Variants in CBR4 observed in about 807,000 individuals in gnomAD.
CBR4 encodes the protein 3-oxoacyl-[acyl-carrier-protein] reductase.
In CBR4, 22 loss-of-function variants were observed where a neutral mutation model predicts 21.0. That is an observed-to-expected ratio of 1.05 (90% CI 0.75 to 1.50). The LOEUF (loss-of-function observed/expected upper bound fraction) is 1.50. Among genes scored for constraint, CBR4 ranks in the 40% most tolerant of loss-of-function variants. The pLI, the probability that CBR4 is intolerant of heterozygous loss-of-function variation, is 0.00. For synonymous variants in CBR4, 100 were observed against 104.4 expected, an observed-to-expected ratio of 0.96 and a Z score of 0.26; for missense variants, 302 against 286.3, an observed-to-expected ratio of 1.05 and a Z score of -0.40.
chr4:168,939,082 C>T (rs1272046783), intron 2 of CBR4, among the ~76,000 whole-genome samples: 4 of 152,182 alleles, frequency 2.6e-5, no homozygotes, highest in African/African-American at 9.7e-5. Flanking sequence ...AGCAGCACAT[C>T]AAAAAGCTTA....
chr4:168,926,767 A>T (rs1762628566), intron 2 of CBR4: 1 of 247,196 alleles, frequency 4.0e-6, no homozygotes, highest in Non-Finnish European at 7.9e-6. Context: ...ATGTTTAATG[A>T]GGGAGTTGTA....
chr4:168,905,790 C>CTTTTTTTTTTT (rs59427697), intron 2 of CBR4, among the ~76,000 whole-genome samples: 45 of 113,090 alleles, frequency 4.0e-4, no homozygotes, highest in African/African-American at 4.8e-4. Flanking sequence ...GCTTTTTTTT[C>CTTTTTTTTTTT]TTTTTTTTTT....
chr4:168,953,682 C>T (rs1172811091), intron 2 of CBR4, among the ~76,000 whole-genome samples: 3 of 151,996 alleles, frequency 2.0e-5, no homozygotes, highest in African/African-American at 7.2e-5. Flanking sequence ...CCTCAGCCTC[C>T]CAAAGTGCTT....
chr4:168,952,605 G>A (rs565628956), intron 2 of CBR4, among the ~76,000 whole-genome samples: 32 of 152,104 alleles, frequency 2.1e-4, no homozygotes, highest in African/African-American at 7.7e-4. Context: ...GTCTCACAGG[G>A]TGTTCCCTTG....
chr4:168,934,701 G>A (rs1763061350), intron 2 of CBR4, among the ~76,000 whole-genome samples: 1 of 151,466 alleles, frequency 6.6e-6, no homozygotes. Context: ...TCCCAACAAG[G>A]AAAAAACCAG....
At chr4:168,970,403 A>G (rs983749231) in intron 2 of CBR4, among the ~76,000 whole-genome samples, 3 of 152,158 alleles carry the variant, frequency 2.0e-5, no homozygotes, top group African/African-American at 7.2e-5. Context: ...TGAAGAACCA[A>G]TTTCAATTTC....
At chr4:168,926,000 A>T (rs1329421468) in intron 2 of CBR4, among the ~76,000 whole-genome samples, 1 of 152,174 alleles carries the variant, frequency 6.6e-6, no homozygotes, top group Non-Finnish European at 1.5e-5. Flanking sequence ...TGACCTTTGT[A>T]ATCTAGCTGC....
intron 2 of CBR4, among the ~76,000 whole-genome samples, chr4:168,912,069 T>G (rs540931068): frequency 6.6e-6 from 1 of 152,260 alleles, no homozygotes; most frequent in African/African-American, 2.4e-5. Flanking sequence ...AGTCCTGCCC[T>G]TCAGTGAATC....
chr4:168,931,701 T>C (rs1762973781), intron 2 of CBR4, among the ~76,000 whole-genome samples: 1 of 152,060 alleles, frequency 6.6e-6, no homozygotes, highest in Non-Finnish European at 1.5e-5. Flanking sequence ...AGACCCCAAG[T>C]TGGTTGACAC....
intron 2 of CBR4, chr4:168,926,640 T>G (rs1762615596): frequency 2.6e-6 from 1 of 384,020 alleles, no homozygotes; most frequent in African/African-American, 2.0e-5. Flanking sequence ...GTGATTAAAG[T>G]GATCAAAATG....
rs747702421 is a variant in CBR4, at chr4:168,913,982, G to A, written n.170-19217C>T. 1.6e-5 allele frequency: 25 copies of A among 1,612,672 alleles called. No homozygotes were observed. In the Middle Eastern group the frequency reaches 4.9e-4, roughly 32 times the overall value. ...GTACAGGCTGTCAACCAAAGAGGTC[G>A]AAGTCCCCGGTCTCCCTCAGGCCAT... On this transcript the variant is annotated intron_variant and non_coding_transcript_variant, in intron 2 of 3. Transcript: ENST00000509108.
intron 2 of CBR4, among the ~76,000 whole-genome samples, chr4:168,981,333 A>G (rs1483353102): frequency 6.6e-6 from 1 of 152,174 alleles, no homozygotes; most frequent in Non-Finnish European, 1.5e-5. Context: ...CAGGAGGCAG[A>G]GGTAGCAGTG....
intron 4 of CBR4, among the ~76,000 whole-genome samples, chr4:169,000,420 A>C (rs1429479342): frequency 4.6e-5 from 7 of 152,132 alleles, no homozygotes; most frequent in African/African-American, 1.7e-4. Context: ...ATAAAGACAC[A>C]CTATAGACCA....
At position 169,010,209 on chromosome 4, in the gene CBR4, C is replaced by A; in HGVS notation, c.-120G>T. The A allele has an allele frequency of 1.3e-3, 947 of 731,318 alleles. No homozygotes were observed. The highest frequency in any genetic ancestry group is 3.2e-3 in the Middle Eastern group (7 of 2,170). 45.3% of individuals were successfully genotyped at this position (731,318 alleles called of 1,614,324 possible). A position where few individuals can be genotyped will look rare whatever the true frequency, so the allele number is the denominator to read the frequency against. ...AAAAAAGAAAAAAAAAGGCAAACCGCAAAAAAAAATAACGCCGCTCGACAC... is the reference window on the plus strand; with the variant it reads ...AAAAAAGAAAAAAAAAGGCAAACCGAAAAAAAAAATAACGCCGCTCGACAC... On this transcript the variant is annotated 5_prime_UTR_variant, in exon 1 of 5. Coordinates refer to ENST00000306193, the MANE Select transcript of CBR4 (RefSeq NM_032783.5).
chr4:168,982,404 A>G lies in CBR4; in HGVS notation n.169+19667T>C, dbSNP rs1764571909. 2.0e-5 allele frequency among the ~76,000 whole-genome samples: 3 copies of G among 152,342 alleles called. No homozygotes were observed. The South Asian group carries it at 6.2e-4, about 32-fold the overall frequency. On this transcript the variant is annotated intron_variant and non_coding_transcript_variant, in intron 2 of 3. Coordinates refer to the CBR4 transcript ENST00000509108. Reference sequence around the variant, plus strand: ...ATATATATGCAGTCAACATTGGAGCACCCAGATTCATAAAACAAGTTCATA... The same window carrying G: ...ATATATATGCAGTCAACATTGGAGCGCCCAGATTCATAAAACAAGTTCATA...
At position 168,919,102 on chromosome 4, in the gene CBR4, A is replaced by G. The variant is rs184534417; in HGVS notation, n.170-24337T>C. On this transcript the variant is annotated intron_variant and non_coding_transcript_variant, in intron 2 of 3. Coordinates refer to the CBR4 transcript ENST00000509108. The stretch of plus-strand genomic sequence containing the variant: ...ATTTTTAATCATATTTAAGAAAGAA[A>G]TAACAGTACTGTCTTTCACTGGACT... Among the ~76,000 whole-genome samples, 22 of 152,358 alleles carry G rather than the reference A, an allele frequency of 1.4e-4. No homozygotes were observed. The East Asian group carries it at 3.5e-3, about 24-fold the overall frequency.
chr4:168,954,400 T>C (rs1441036676), intron 2 of CBR4, among the ~76,000 whole-genome samples: 1 of 152,168 alleles, frequency 6.6e-6, no homozygotes, highest in Admixed American at 6.5e-5. Flanking sequence ...GGCTGAGACA[T>C]AGTACCAGCA....
chr4:169,003,674 T>G (rs1209541898), intron 3 of CBR4, among the ~76,000 whole-genome samples: 2 of 152,012 alleles, frequency 1.3e-5, no homozygotes, highest in African/African-American at 4.8e-5. Flanking sequence ...AAATTTTGTC[T>G]TATTCTAAGA....
intron 2 of CBR4, among the ~76,000 whole-genome samples, chr4:168,916,762 C>T (rs548839938): frequency 6.7e-6 from 1 of 148,872 alleles, no homozygotes; most frequent in East Asian, 2.0e-4. Context: ...CTCGCTGCAA[C>T]CTCTGCCTCC....
Sources: gnomAD v4.1 joint callset for allele counts (sites outside exome capture counted in the v4.1 genomes callset) on GRCh38, gnomAD v4.1.1 for gene constraint, MANE v1.5 for transcripts, NCBI Gene and HGNC (gene_info 2026-07-23, HGNC 2026-07-21) for gene names.